Variants in WDFY3 observed in about 807,000 individuals in gnomAD.
WDFY3 encodes WD repeat and FYVE domain-containing protein 3.
A neutral mutation model predicts 409.6 loss-of-function variants in WDFY3; 66 were observed. The ratio of observed to expected loss-of-function variants is 0.16; its 90% CI spans 0.13 to 0.20. WDFY3 has a LOEUF of 0.20. Ranked by LOEUF, WDFY3 falls within the 10% of genes least tolerant of loss-of-function variation. The pLI is 1.00. For synonymous variants in WDFY3, 1,521 were observed against 1,537.1 expected (o/e 0.99, Z 0.25); for missense variants, 3,031 against 4,298.1 (o/e 0.71, Z 8.24).
intron 2 of WDFY3, among the ~76,000 whole-genome samples, chr4:84,917,817 G>A (rs1768706939): frequency 1.3e-5 from 2 of 151,854 alleles, no homozygotes; most frequent in South Asian, 4.1e-4. Context: ...ATACATTACA[G>A]ATAAAGAAAT....
chr4:84,823,784 T>C (rs1754434900), intron 10 of WDFY3, among the ~76,000 whole-genome samples: 1 of 152,212 alleles, frequency 6.6e-6, no homozygotes, highest in East Asian at 1.9e-4. Flanking sequence ...CAAGTGTTAC[T>C]GACAGCGTCA....
At chr4:84,960,655 T>TA (rs936017783) in intron 1 of WDFY3, among the ~76,000 whole-genome samples, 6 of 151,998 alleles carry the variant, frequency 3.9e-5, no homozygotes, top group South Asian at 2.1e-4. Flanking sequence ...CTTCTTATTT[T>TA]AAAAAAAAGA....
chr4:84,853,723 T>G (rs1005529968), intron 4 of WDFY3, among the ~76,000 whole-genome samples: 4 of 152,340 alleles, frequency 2.6e-5, no homozygotes, highest in Admixed American at 6.5e-5. Flanking sequence ...TGATGTTTAC[T>G]GCTTTATTTC....
At chr4:84,875,765 A>C (rs1030722719) in intron 3 of WDFY3, among the ~76,000 whole-genome samples, 3 of 152,178 alleles carry the variant, frequency 2.0e-5, no homozygotes, top group Non-Finnish European at 1.5e-5. Flanking sequence ...CATATTAGCC[A>C]AGGCTTGCAC....
intron 37 of WDFY3, 90 bp downstream of exon 37, chr4:84,743,609 GA>G: frequency 1.0e-6 from 1 of 971,206 alleles, no homozygotes; most frequent in Non-Finnish European, 1.4e-6. Flanking sequence ...AAAAAGGAAA[GA>G]AAAAAGCTGA....
chr4:84,704,548 A>G lies in WDFY3; in HGVS notation c.8336-104T>C, dbSNP rs1838039. On this transcript the variant is annotated intron_variant, in intron 54 of 67. Transcript: ENST00000295888. ...AAATGCTAGCCTATGTGATAACTGT[A>G]ACACTAAATGCAATTAGTACTGGCA... 535,364 of 826,192 alleles carry G rather than the reference A, an allele frequency of 0.65. 178,115 individuals carry two copies. Among genetic ancestry groups the G allele is most frequent in the African/African-American group, 0.93 (53,100 of 57,028 alleles). The allele number at this position is 826,192 out of a possible 1,614,324, so 51.2% of individuals were successfully genotyped here. A position where few individuals can be genotyped will look rare whatever the true frequency, so the allele number is the denominator to read the frequency against.
At chr4:84,679,313 AT>A (rs1231896835) in intron 64 of WDFY3, 71 bp from the exon 65 acceptor site, 25 of 1,394,562 alleles carry the variant, frequency 1.8e-5, no homozygotes, top group East Asian at 5.1e-5. Flanking sequence ...TTCTGCTAGT[AT>A]TTTTTTTCTC....
chr4:84,893,292 A>G (rs1428840983), intron 3 of WDFY3, among the ~76,000 whole-genome samples: 2 of 152,112 alleles, frequency 1.3e-5, no homozygotes, highest in African/African-American at 4.8e-5. Context: ...TCCCCTTGCT[A>G]CCTACCATGG....
chr4:84,800,302 T>C (rs1160568629), intron 17 of WDFY3, among the ~76,000 whole-genome samples: 1 of 152,214 alleles, frequency 6.6e-6, no homozygotes, highest in Non-Finnish European at 1.5e-5. Context: ...AGGAGTACTC[T>C]AATAATAAGT....
intron 1 of WDFY3, among the ~76,000 whole-genome samples, chr4:84,933,712 ATTCTCTATTTATGAG>A (rs1771054225): frequency 6.6e-6 from 1 of 151,868 alleles, no homozygotes; most frequent in Non-Finnish European, 1.5e-5. Context: ...CCATCACTCT[ATTCTCTATTTATGAG>A]TTCAATTGTT....
Position 84,678,847 on chromosome 4 carries a change from C to T in WDFY3, c.10147+72G>A. 3 of 1,508,202 alleles carry T rather than the reference C, an allele frequency of 2.0e-6. No individual in the cohort carries two copies. The South Asian group carries it at 3.9e-5, about 20-fold the overall frequency. The allele number at this position is 1,508,202 out of a possible 1,614,324, so 93.4% of individuals were successfully genotyped here. ...GGGTGGGGCCCAGGGAGAGCTAGAC[C>T]CCACTGCCTCAATCCACCAACCCTC... On this transcript the variant is annotated intron_variant, in intron 65 of 67. Coordinates refer to ENST00000295888, the MANE Select transcript of WDFY3 (RefSeq NM_014991.6).
intron 2 of WDFY3, among the ~76,000 whole-genome samples, chr4:84,912,163 G>C (rs909579364): frequency 6.6e-6 from 1 of 152,142 alleles, no homozygotes; most frequent in Non-Finnish European, 1.5e-5. Flanking sequence ...GAACTCATAC[G>C]AAGTGCCACT....
At chr4:84,738,005 A>G (rs906999840) in intron 40 of WDFY3, among the ~76,000 whole-genome samples, 1 of 152,188 alleles carries the variant, frequency 6.6e-6, no homozygotes, top group African/African-American at 2.4e-5. Context: ...ATGAGAACCA[A>G]CGCCACTTCC....
intron 1 of WDFY3, among the ~76,000 whole-genome samples, chr4:84,943,485 C>T (rs545803629): frequency 6.6e-6 from 1 of 151,660 alleles, no homozygotes; most frequent in Non-Finnish European, 1.5e-5. Context: ...GCCTGGGCGA[C>T]AGAGCAAGAC....
intron 56 of WDFY3, among the ~76,000 whole-genome samples, chr4:84,698,838 C>A (rs1173059021): frequency 1.3e-5 from 2 of 152,104 alleles, no homozygotes; most frequent in African/African-American, 4.8e-5. Context: ...CAGGCACACA[C>A]CACGATGCCC....
chr4:84,761,790 A>C (rs1280811057), intron 32 of WDFY3, among the ~76,000 whole-genome samples: 1 of 152,212 alleles, frequency 6.6e-6, no homozygotes, highest in Non-Finnish European at 1.5e-5. Flanking sequence ...ACCCCATCAA[A>C]AAGTGGGCAA....
At chr4:84,784,858 G>GTATGTATATATA (rs1747195451) in intron 24 of WDFY3, among the ~76,000 whole-genome samples, 2 of 88,994 alleles carry the variant, frequency 2.2e-5, no homozygotes, top group African/African-American at 1.0e-4. Context: ...AAGTGTATAT[G>GTATGTATATATA]TATATATATA....
chr4:84,686,185 A>C (rs1255088793), intron 62 of WDFY3, among the ~76,000 whole-genome samples: 1 of 152,170 alleles, frequency 6.6e-6, no homozygotes, highest in Non-Finnish European at 1.5e-5. Context: ...GGGCACCTGT[A>C]ATCCCAGCTA....
At chr4:84,820,525 G>T (rs1363066960) in intron 11 of WDFY3, among the ~76,000 whole-genome samples, 2 of 152,060 alleles carry the variant, frequency 1.3e-5, no homozygotes, top group East Asian at 1.9e-4. Context: ...ACCAAAAAGA[G>T]AGAAAAGTTC....
Sources: gnomAD v4.1 joint callset for allele counts (sites outside exome capture counted in the v4.1 genomes callset) on GRCh38, gnomAD v4.1.1 for gene constraint, MANE v1.5 for transcripts, NCBI Gene and HGNC (gene_info 2026-07-23, HGNC 2026-07-21) for gene names.